The following ZPLD1 variants were observed in gnomAD, a reference collection of about 807,000 sequenced individuals.
ZPLD1 encodes the protein zona pellucida like domain containing 1, also known as zona pellucida-like domain-containing protein 1.
In ZPLD1, 34 loss-of-function variants were observed where a neutral mutation model predicts 47.2. That is an observed-to-expected ratio of 0.72 (90% CI 0.55 to 0.96). ZPLD1 has a LOEUF of 0.96. ZPLD1 is among the 40% of genes least tolerant of loss of function. The pLI, the probability that ZPLD1 is intolerant of heterozygous loss-of-function variation, is 0.00. For synonymous variants in ZPLD1, 176 were observed against 186.2 expected, an observed-to-expected ratio of 0.95 and a Z score of 0.45; for missense variants, 512 against 505.8, an observed-to-expected ratio of 1.01 and a Z score of -0.12.
Position 102,477,569 on chromosome 3 carries a change from G to T in ZPLD1, c.1199G>T (p.Gly400Val). ...LCSLALLHRK[G>V]PTSLVLNGIR... ...TCACTGGCCCTTCTGCACAGGAAGGGACCCACAAGTTTAGTGTTGAATGGC... is the reference window on the plus strand; with the variant it reads ...TCACTGGCCCTTCTGCACAGGAAGGTACCCACAAGTTTAGTGTTGAATGGC... The change falls in exon 12 of 12, where the codon GGA becomes GTA. Residue 400 changes from glycine to valine, a missense_variant. Transcript: ENST00000466937. The T allele has an allele frequency of 1.2e-6, 2 of 1,613,622 alleles. No homozygotes were observed. The highest frequency in any genetic ancestry group is 2.2e-5 in the East Asian group (1 of 44,868).
chr3:102,454,642 G>A (rs940410330), intron 4 of ZPLD1, among the ~76,000 whole-genome samples: 1 of 152,206 alleles, frequency 6.6e-6, no homozygotes, highest in Non-Finnish European at 1.5e-5. Context: ...GATCACCTGA[G>A]GTCAGGAGTT....
At chr3:102,423,961 G>T (rs1366965632) in intron 8 of ZPLD1, among the ~76,000 whole-genome samples, 1 of 152,164 alleles carries the variant, frequency 6.6e-6, no homozygotes, top group East Asian at 1.9e-4. Context: ...TTGGAAATGG[G>T]GGTTTTCTTA....
At chr3:102,388,071 A>G (rs905545106) in intron 6 of ZPLD1, among the ~76,000 whole-genome samples, 3 of 152,008 alleles carry the variant, frequency 2.0e-5, no homozygotes. Flanking sequence ...CGTGTTAGCC[A>G]GGATGGTCTC....
At chr3:102,401,151 T>C (rs1188247516) in intron 7 of ZPLD1, among the ~76,000 whole-genome samples, 6 of 152,076 alleles carry the variant, frequency 3.9e-5, no homozygotes, top group Non-Finnish European at 4.4e-5. Flanking sequence ...ATTAGGATTA[T>C]ATCGTTAGTC....
intron 6 of ZPLD1, among the ~76,000 whole-genome samples, chr3:102,388,545 A>G (rs1382971248): frequency 6.7e-6 from 1 of 149,304 alleles, no homozygotes; most frequent in Non-Finnish European, 1.5e-5. Flanking sequence ...CATTATTTTA[A>G]TGTTCTCCTC....
intron 8 of ZPLD1, among the ~76,000 whole-genome samples, chr3:102,429,249 C>T (rs1297214080): frequency 2.0e-5 from 3 of 152,186 alleles, no homozygotes; most frequent in African/African-American, 7.2e-5. Context: ...ACCCAATTCT[C>T]TCTGCAACCA....
upstream of ZPLD1, among the ~76,000 whole-genome samples, chr3:102,433,491 A>T (rs1192937186): frequency 1.3e-5 from 2 of 152,208 alleles, no homozygotes; most frequent in African/African-American, 2.4e-5. Context: ...AAAACTTATA[A>T]GTATTACATT....
Position 102,453,014 on chromosome 3 carries a change from C to G in ZPLD1, c.202C>G (p.Leu68Val), listed in dbSNP as rs750926637. ...VLFSGYSETD[L>V]ALNGRHGDSH... ...TTTCTCGGGTTATTCGGAAACAGATCTGGCACTGAATGGAAGGCATGGGGA... is the reference window on the plus strand; with the variant it reads ...TTTCTCGGGTTATTCGGAAACAGATGTGGCACTGAATGGAAGGCATGGGGA... Residue 68 changes from leucine to valine, a missense_variant, in exon 4 of 12, where the codon CTG becomes GTG. Transcript: ENST00000466937. 6.2e-7 allele frequency: 1 copy of G among 1,614,108 alleles called. No individual in the cohort carries two copies. Among genetic ancestry groups the G allele is most frequent in the South Asian group, 1.1e-5 (1 of 91,086 alleles).
At chr3:102,409,901 T>G (rs768741719) in intron 7 of ZPLD1, among the ~76,000 whole-genome samples, 1 of 151,742 alleles carries the variant, frequency 6.6e-6, no homozygotes, top group African/African-American at 2.4e-5. Context: ...TCAGAAAGCA[T>G]AGGGGATAAT....
At chr3:102,399,876 T>TG in intron 7 of ZPLD1, among the ~76,000 whole-genome samples, 1 of 152,214 alleles carries the variant, frequency 6.6e-6, no homozygotes. Context: ...TGGAATGCAG[T>TG]GGTGTGATCT....
chr3:102,387,430 T>C (rs762075260), intron 6 of ZPLD1, among the ~76,000 whole-genome samples: 1 of 152,192 alleles, frequency 6.6e-6, no homozygotes, highest in Admixed American at 6.5e-5. Flanking sequence ...TTCACCTCTT[T>C]TGTATTCTGT....
At chr3:102,469,863 C>G (rs1374199085) in intron 9 of ZPLD1, among the ~76,000 whole-genome samples, 1 of 152,200 alleles carries the variant, frequency 6.6e-6, no homozygotes, top group East Asian at 1.9e-4. Flanking sequence ...TTCTGACCGG[C>G]TCTCTAGGGC....
intron 7 of ZPLD1, among the ~76,000 whole-genome samples, chr3:102,399,875 G>T (rs1706600067): frequency 6.6e-6 from 1 of 152,076 alleles, no homozygotes; most frequent in Non-Finnish European, 1.5e-5. Flanking sequence ...CTGGAATGCA[G>T]TGGTGTGATC....
chr3:102,469,987 C>T (rs1707656359), intron 9 of ZPLD1, among the ~76,000 whole-genome samples: 1 of 152,096 alleles, frequency 6.6e-6, no homozygotes, highest in Admixed American at 6.5e-5. Flanking sequence ...TCTTCATACT[C>T]ATTGATCCCT....
chr3:102,400,957 A>G (rs1395048180), intron 7 of ZPLD1, among the ~76,000 whole-genome samples: 1 of 152,108 alleles, frequency 6.6e-6, no homozygotes, highest in Non-Finnish European at 1.5e-5. Context: ...TTCATTCCAC[A>G]TGAATTTCAA....
chr3:102,403,055 A>G (rs983243690), intron 7 of ZPLD1, among the ~76,000 whole-genome samples: 2 of 151,772 alleles, frequency 1.3e-5, no homozygotes, highest in Non-Finnish European at 2.9e-5. Context: ...CCCCTACTTT[A>G]TTATTATTAT....
intron 5 of ZPLD1, among the ~76,000 whole-genome samples, 199 bp downstream of exon 5, chr3:102,456,573 CT>C (rs1167051618): frequency 1.3e-5 from 2 of 151,702 alleles, no homozygotes; most frequent in Non-Finnish European, 2.9e-5. Context: ...ATCTATCTAT[CT>C]ATCTATCTAT....
At chr3:102,426,383 T>A (rs1398777660) in intron 8 of ZPLD1, among the ~76,000 whole-genome samples, 1 of 151,952 alleles carries the variant, frequency 6.6e-6, no homozygotes, top group Non-Finnish European at 1.5e-5. Context: ...CCAGGTGTGG[T>A]GGTGCATGCC....
At chr3:102,399,874 A>C (rs141909092) in intron 7 of ZPLD1, among the ~76,000 whole-genome samples, 270 of 152,146 alleles carry the variant, frequency 1.8e-3, no homozygotes, top group Non-Finnish European at 3.0e-3. Context: ...GCTGGAATGC[A>C]GTGGTGTGAT....
Sources: allele counts gnomAD v4.1 joint callset (sites outside exome capture counted in the v4.1 genomes callset), GRCh38; gene constraint gnomAD v4.1.1; transcripts MANE v1.5; gene names NCBI Gene and HGNC (gene_info 2026-07-23, HGNC 2026-07-21).